Variants in HPSE2 observed in about 807,000 individuals in gnomAD.
HPSE2 encodes the protein inactive heparanase-2.
In HPSE2, 38 loss-of-function variants were observed where a neutral mutation model predicts 60.5. The ratio of observed to expected loss-of-function variants is 0.63; its 90% CI spans 0.48 to 0.82. The LOEUF (loss-of-function observed/expected upper bound fraction) is 0.82, where lower values mean the gene tolerates loss of function less well. Among genes scored for constraint, HPSE2 ranks in the 40% least tolerant of loss-of-function variants. The pLI is 0.00. For missense variants in HPSE2, 713 were observed against 740.4 expected (o/e 0.96, Z 0.43); for synonymous variants, 295 against 293.2 (o/e 1.01, Z -0.06).
intron 5 of HPSE2, among the ~76,000 whole-genome samples, chr10:98,719,777 G>A (rs537877510): frequency 1.3e-5 from 2 of 150,836 alleles, no homozygotes; most frequent in African/African-American, 4.9e-5. Context: ...GAGACGGGTG[G>A]ATTACCTGAG....
intron 6 of HPSE2, among the ~76,000 whole-genome samples, chr10:98,642,842 C>T (rs1946673682): frequency 6.6e-6 from 1 of 152,248 alleles, no homozygotes; most frequent in Middle Eastern, 3.4e-3. Flanking sequence ...GTGCCTTTTC[C>T]AATCCACTAA....
intron 5 of HPSE2, among the ~76,000 whole-genome samples, chr10:98,700,300 A>T (rs1948368173): frequency 7.6e-6 from 1 of 131,298 alleles, no homozygotes; most frequent in African/African-American, 2.5e-5. Flanking sequence ...ACAGAGACAT[A>T]GATCAATGGA....
chr10:98,845,383 C>T lies in HPSE2; in HGVS notation c.611-101327G>A, dbSNP rs200314168. Among the ~76,000 whole-genome samples the T allele has an allele frequency of 1.6e-4, 25 of 152,276 alleles. No individual in the cohort carries two copies. The East Asian group carries it at 4.6e-3, about 28-fold the overall frequency. ...AGGTGGTTGGTAGCAGTGATGACATCCTTGATGGTGTCTGTCTCTCCTATA... is the reference window on the plus strand; with the variant it reads ...AGGTGGTTGGTAGCAGTGATGACATTCTTGATGGTGTCTGTCTCTCCTATA... On this transcript the variant is annotated intron_variant, in intron 3 of 11. Coordinates refer to ENST00000370552, the MANE Select transcript of HPSE2 (RefSeq NM_021828.5).
intron 9 of HPSE2, among the ~76,000 whole-genome samples, chr10:98,608,148 T>C (rs1945647091): frequency 6.6e-6 from 1 of 152,220 alleles, no homozygotes; most frequent in South Asian, 2.1e-4. Flanking sequence ...GTAGAGCTGG[T>C]TTTGAAACTC....
the HPSE2 span, among the ~76,000 whole-genome samples, chr10:99,306,815 T>A: frequency 6.6e-6 from 1 of 152,218 alleles, no homozygotes; most frequent in East Asian, 1.9e-4. Context: ...GTTCAAGTGA[T>A]TCTCCTGCCT....
intron 3 of HPSE2, among the ~76,000 whole-genome samples, chr10:99,105,308 T>C (rs1844198351): frequency 6.6e-6 from 1 of 152,186 alleles, no homozygotes; most frequent in Non-Finnish European, 1.5e-5. Flanking sequence ...ATATTGTGCT[T>C]TTAATTTCAA....
At chr10:98,864,703 C>T (rs1399246873) in intron 3 of HPSE2, among the ~76,000 whole-genome samples, 1 of 152,072 alleles carries the variant, frequency 6.6e-6, no homozygotes, top group East Asian at 1.9e-4. Flanking sequence ...AGTGTCAAAG[C>T]CATGCATTAT....
chr10:99,188,360 G>C (rs1237246778), intron 2 of HPSE2, among the ~76,000 whole-genome samples: 3 of 152,134 alleles, frequency 2.0e-5, no homozygotes, highest in African/African-American at 7.2e-5. Flanking sequence ...AGTAGCTAAT[G>C]AATGAACATA....
intron 9 of HPSE2, among the ~76,000 whole-genome samples, chr10:98,544,712 C>CAAAAAAA (rs58604325): frequency 4.2e-5 from 3 of 71,022 alleles, no homozygotes; most frequent in African/African-American, 1.2e-4. Context: ...GACTCCGTCT[C>CAAAAAAA]AAAAAAAAAA....
At chr10:99,031,811 G>GT (rs762683360) in intron 3 of HPSE2, among the ~76,000 whole-genome samples, 8 of 152,216 alleles carry the variant, frequency 5.3e-5, no homozygotes, top group Non-Finnish European at 1.0e-4. Context: ...AGTTAAGTCA[G>GT]TAAGTCCATC....
chr10:98,805,781 ATTTAGAC>A (rs1420709278), intron 3 of HPSE2, among the ~76,000 whole-genome samples: 1 of 152,172 alleles, frequency 6.6e-6, no homozygotes, highest in Non-Finnish European at 1.5e-5. Flanking sequence ...ATTGTAATTA[ATTTAGAC>A]ACCCAGTGGC....
At chr10:98,618,027 C>A (rs1223655127) in intron 8 of HPSE2, among the ~76,000 whole-genome samples, 1 of 152,118 alleles carries the variant, frequency 6.6e-6, no homozygotes, top group Non-Finnish European at 1.5e-5. Context: ...TCCTAGAATG[C>A]TTTACTGCTC....
chr10:98,742,507 T>C (rs1338891206), intron 4 of HPSE2, among the ~76,000 whole-genome samples: 1 of 152,082 alleles, frequency 6.6e-6, no homozygotes, highest in East Asian at 1.9e-4. Context: ...AAGAGAATTC[T>C]TGGTTTGTTC....
At chr10:99,019,040 G>A (rs1212759801) in intron 3 of HPSE2, among the ~76,000 whole-genome samples, 3 of 152,158 alleles carry the variant, frequency 2.0e-5, no homozygotes, top group Non-Finnish European at 2.9e-5. Flanking sequence ...AGCCGGCTGC[G>A]TTTCTACTCA....
At chr10:98,513,342 T>TG (rs1217448737) in intron 9 of HPSE2, among the ~76,000 whole-genome samples, 2 of 152,184 alleles carry the variant, frequency 1.3e-5, no homozygotes, top group Non-Finnish European at 2.9e-5. Context: ...TTAGCTCAGT[T>TG]GGGGTTCCAC....
intron 5 of HPSE2, among the ~76,000 whole-genome samples, chr10:98,712,025 G>T (rs1948686464): frequency 6.6e-6 from 1 of 152,076 alleles, no homozygotes; most frequent in African/African-American, 2.4e-5. Context: ...CCTATAAGGG[G>T]AGAGCATTCT....
chr10:99,010,529 T>C (rs958717019), intron 3 of HPSE2, among the ~76,000 whole-genome samples: 16 of 152,224 alleles, frequency 1.1e-4, no homozygotes, highest in African/African-American at 3.4e-4. Flanking sequence ...AACTTGTTTT[T>C]AGAGGCATAA....
At chr10:98,830,811 A>C (rs1222940417) in intron 3 of HPSE2, among the ~76,000 whole-genome samples, 5 of 152,192 alleles carry the variant, frequency 3.3e-5, no homozygotes, top group Admixed American at 6.5e-5. Flanking sequence ...TTCTCCCCAT[A>C]ATCAATGGGA....
At chr10:98,642,308 A>G (rs1946659862) in intron 6 of HPSE2, among the ~76,000 whole-genome samples, 1 of 152,182 alleles carries the variant, frequency 6.6e-6, no homozygotes, top group African/African-American at 2.4e-5. Flanking sequence ...ATCCCACCTT[A>G]AAGTAATAAA....
Sources: gnomAD v4.1 joint callset for allele counts (sites outside exome capture counted in the v4.1 genomes callset) on GRCh38, gnomAD v4.1.1 for gene constraint, MANE v1.5 for transcripts, NCBI Gene and HGNC (gene_info 2026-07-23, HGNC 2026-07-21) for gene names.